Variants in UNC13C observed in about 807,000 individuals in gnomAD.
The protein encoded by UNC13C is unc-13 homolog C, also known as protein unc-13 homolog C.
UNC13C carries 174 observed loss-of-function variants against 245.4 expected under a neutral mutation model. That is an observed-to-expected ratio of 0.71 (90% CI 0.63 to 0.80). The LOEUF is 0.80. Among genes scored for constraint, UNC13C ranks in the 30% least tolerant of loss-of-function variants. The pLI, the probability that UNC13C is intolerant of heterozygous loss-of-function variation, is 0.00. For missense variants in UNC13C, 2,829 were observed against 2,602.9 expected (o/e 1.09, Z -1.89); for synonymous variants, 992 against 895.1 (o/e 1.11, Z -1.93).
chr15:53,969,130 A>G, the UNC13C span, among the ~76,000 whole-genome samples: 7,141 of 152,268 alleles, frequency 0.047, 271 homozygotes, highest in African/African-American at 0.1. Context: ...AGATCTATCC[A>G]CAGATAGTAG....
chr15:54,287,219 T>G (rs1348058028), intron 10 of UNC13C, among the ~76,000 whole-genome samples: 1 of 152,174 alleles, frequency 6.6e-6, no homozygotes, highest in Non-Finnish European at 1.5e-5. Flanking sequence ...ATATTTCTCT[T>G]GCTGTCAAAT....
chr15:54,629,722 T>TA (rs1901408516), downstream of UNC13C: 1 of 146,434 alleles, frequency 6.8e-6, no homozygotes. Context: ...ATTAATGTCA[T>TA]AATACATGAT....
chr15:54,450,356 C>G lies in UNC13C; in HGVS notation c.4933+35289C>G, dbSNP rs144578618. Among the ~76,000 whole-genome samples the G allele has an allele frequency of 3.5e-3, 538 of 152,340 alleles. 3 individuals are homozygous for G. Among genetic ancestry groups the G allele is most frequent in the African/African-American group, 0.013 (523 of 41,582 alleles). The stretch of plus-strand genomic sequence containing the variant: ...TCTGTTGCCTTTTGTTCAGCTATGC[C>G]CTGCCCCCAGAGGTGGAGTCTACAG... On this transcript the variant is annotated intron_variant, in intron 19 of 32. Coordinates refer to ENST00000260323, the MANE Select transcript of UNC13C (RefSeq NM_001080534.3).
the UNC13C span, among the ~76,000 whole-genome samples, chr15:53,862,956 T>A: frequency 2.6e-5 from 4 of 152,182 alleles, no homozygotes; most frequent in African/African-American, 9.7e-5. Context: ...CTCCAAGTTT[T>A]AACTAATTCC....
At chr15:54,408,133 G>A (rs969837981) in intron 18 of UNC13C, among the ~76,000 whole-genome samples, 21 of 144,464 alleles carry the variant, frequency 1.5e-4, no homozygotes, top group Admixed American at 2.8e-4. Context: ...CCCGAGAGGC[G>A]GAGTTGCAGT....
chr15:53,946,120 C>G, the UNC13C span, among the ~76,000 whole-genome samples: 2 of 152,056 alleles, frequency 1.3e-5, no homozygotes, highest in African/African-American at 4.8e-5. Context: ...TGTTTATCTG[C>G]TGAGGGAGCT....
At chr15:54,152,099 T>C (rs1204897597) in intron 4 of UNC13C, among the ~76,000 whole-genome samples, 1 of 152,228 alleles carries the variant, frequency 6.6e-6, no homozygotes, top group African/African-American at 2.4e-5. Flanking sequence ...GGCAGTCTTT[T>C]CTCAATTAGA....
chr15:54,283,536 T>C (rs576885856), intron 10 of UNC13C, among the ~76,000 whole-genome samples: 1 of 152,216 alleles, frequency 6.6e-6, no homozygotes, highest in Non-Finnish European at 1.5e-5. Context: ...GGTTTTATAA[T>C]TAGGAAATTA....
At chr15:54,317,584 T>C (rs2038041216) in intron 13 of UNC13C, among the ~76,000 whole-genome samples, 1 of 151,978 alleles carries the variant, frequency 6.6e-6, no homozygotes, top group African/African-American at 2.4e-5. Flanking sequence ...TTGTGTCATT[T>C]ACTTTCAAAT....
chr15:54,310,774 ATCTATATAT>A (rs2037850063), intron 13 of UNC13C, among the ~76,000 whole-genome samples: 1 of 101,480 alleles, frequency 9.9e-6, no homozygotes, highest in African/African-American at 3.5e-5. Context: ...CTATATCTAT[ATCTATATAT>A]ATGTACATAC....
intron 17 of UNC13C, among the ~76,000 whole-genome samples, chr15:54,344,210 T>G (rs1212090075): frequency 6.6e-6 from 1 of 152,226 alleles, no homozygotes; most frequent in East Asian, 1.9e-4. Context: ...TTAATTAAGC[T>G]GCCAAAGTGA....
At chr15:54,048,793 T>C in intron 2 of UNC13C, 1 of 247,392 alleles carries the variant, frequency 4.0e-6, no homozygotes, top group Non-Finnish European at 8.2e-6. Context: ...TTAACTCTTG[T>C]TATAGTTACC....
intron 19 of UNC13C, among the ~76,000 whole-genome samples, chr15:54,474,571 G>A (rs111851706): frequency 2.6e-5 from 4 of 151,852 alleles, no homozygotes; most frequent in Admixed American, 6.6e-5. Flanking sequence ...TTGAGTTCTT[G>A]TATGTTCTGG....
intron 2 of UNC13C, among the ~76,000 whole-genome samples, chr15:54,136,241 G>C (rs1311582983): frequency 6.6e-6 from 1 of 152,152 alleles, no homozygotes; most frequent in Non-Finnish European, 1.5e-5. Context: ...AGGCTCAGGT[G>C]ATCTTCCCAC....
chr15:54,183,889 T>G (rs965677351), intron 4 of UNC13C, among the ~76,000 whole-genome samples: 8 of 152,044 alleles, frequency 5.3e-5, no homozygotes, highest in African/African-American at 1.9e-4. Context: ...TCCTGAAATC[T>G]TCACAAAAGA....
rs763798740 is a variant in UNC13C at position 54,013,989 on chromosome 15, G to A, written c.1086G>A (p.Arg362=). The part of the protein sequence containing the change: ...PNAIKIEFAQ[R]IGHQRDCPNA... ...CTATTAAAATTGAATTTGCTCAGAG[G>A]ATAGGACACCAGAGAGACTGCCCAA... The change falls in exon 2 of 33, where the codon AGG becomes AGA. Residue 362 remains arginine (R), a synonymous_variant. Transcript: ENST00000260323. 3.7e-6 allele frequency: 6 copies of A among 1,613,702 alleles called. No individual in the cohort carries two copies. In the South Asian group the frequency reaches 6.6e-5, roughly 18 times the overall value.
intron 19 of UNC13C, among the ~76,000 whole-genome samples, chr15:54,424,072 A>G (rs964953840): frequency 6.6e-6 from 1 of 151,902 alleles, no homozygotes; most frequent in Non-Finnish European, 1.5e-5. Context: ...GGATAAAATT[A>G]TTCAGGAACA....
At chr15:54,092,045 G>T (rs539899821) in intron 2 of UNC13C, among the ~76,000 whole-genome samples, 1 of 152,244 alleles carries the variant, frequency 6.6e-6, no homozygotes, top group Admixed American at 6.5e-5. Context: ...TTTGAACACG[G>T]ATCCCCTCTC....
the UNC13C span, chr15:53,955,881 T>C: frequency 6.6e-6 from 1 of 152,202 alleles, no homozygotes; most frequent in Non-Finnish European, 1.5e-5. Flanking sequence ...TGCACTCCTA[T>C]GTTCACCACA....
Sources: gnomAD v4.1 joint callset for allele counts (sites outside exome capture counted in the v4.1 genomes callset) on GRCh38, gnomAD v4.1.1 for gene constraint, MANE v1.5 for transcripts, NCBI Gene and HGNC (gene_info 2026-07-23, HGNC 2026-07-21) for gene names.